The following KIFC3 variants were observed in gnomAD, a reference collection of about 807,000 sequenced individuals.
KIFC3 encodes kinesin family member C3.
A neutral mutation model predicts 101.8 loss-of-function variants in KIFC3; 60 were observed. That is an observed-to-expected ratio of 0.59 (90% CI 0.48 to 0.73). The LOEUF (loss-of-function observed/expected upper bound fraction) is 0.73, where lower values mean the gene tolerates loss of function less well. KIFC3 is among the 30% of genes least tolerant of loss of function. KIFC3 has a pLI of 0.00. For synonymous variants in KIFC3, 476 were observed against 482.7 expected (o/e 0.99, Z 0.18); for missense variants, 966 against 1,137.1 (o/e 0.85, Z 2.16).
intron 3 of KIFC3, among the ~76,000 whole-genome samples, chr16:57,774,549 G>T (rs1363194861): frequency 6.6e-6 from 1 of 151,536 alleles, no homozygotes; most frequent in African/African-American, 2.4e-5. Context: ...TTGAGACAGG[G>T]TCTCACTCTG....
At chr16:57,827,031 T>G (rs932269915) in intron 1 of KIFC3, among the ~76,000 whole-genome samples, 13 of 152,300 alleles carry the variant, frequency 8.5e-5, no homozygotes, top group African/African-American at 3.1e-4. Context: ...CACGCTCAGT[T>G]AGGCTTTAAT....
intron 1 of KIFC3, among the ~76,000 whole-genome samples, chr16:57,808,754 A>C (rs1234165785): frequency 6.6e-6 from 1 of 152,218 alleles, no homozygotes; most frequent in Non-Finnish European, 1.5e-5. Context: ...GAGGCCAGGC[A>C]GACCTGGGTT....
intron 1 of KIFC3, among the ~76,000 whole-genome samples, chr16:57,854,357 G>A (rs2056121180): frequency 6.6e-6 from 1 of 152,206 alleles, no homozygotes; most frequent in Non-Finnish European, 1.5e-5. Context: ...GCCAGGTGCG[G>A]TGGCTTTTGC....
At chr16:57,782,782 G>A (rs4372684) in intron 3 of KIFC3, among the ~76,000 whole-genome samples, 139,489 of 152,278 alleles carry the variant, frequency 0.92, 64,505 homozygotes, top group Middle Eastern at 0.97. Context: ...CGTCTCTACT[G>A]AAAAATACAA....
At chr16:57,817,849 G>A (rs1464106401) in intron 1 of KIFC3, among the ~76,000 whole-genome samples, 1 of 152,076 alleles carries the variant, frequency 6.6e-6, no homozygotes, top group South Asian at 2.1e-4. Context: ...CAGATAAGAG[G>A]CTCAGAGAGG....
intron 1 of KIFC3, among the ~76,000 whole-genome samples, chr16:57,829,607 C>CA (rs1567326842): frequency 6.6e-6 from 1 of 152,118 alleles, no homozygotes; most frequent in African/African-American, 2.4e-5. Context: ...CTCACCAAGG[C>CA]AAAAGTACCT....
chr16:57,862,690 C>G (rs1959369582), intron 1 of KIFC3: 1 of 840,484 alleles, frequency 1.2e-6, no homozygotes. Flanking sequence ...CAGGCCTCCT[C>G]CTCCCATTCC....
intron 2 of KIFC3, among the ~76,000 whole-genome samples, chr16:57,797,354 C>T (rs1364531225): frequency 3.9e-5 from 6 of 152,250 alleles, no homozygotes; most frequent in Non-Finnish European, 8.8e-5. Flanking sequence ...GACCTGCCCA[C>T]GCCTCGGGAG....
At chr16:57,819,133 G>C (rs143961309) in intron 1 of KIFC3, among the ~76,000 whole-genome samples, 1 of 151,904 alleles carries the variant, frequency 6.6e-6, no homozygotes, top group East Asian at 1.9e-4. Context: ...GCTCCAGAAC[G>C]GTCCAGTGTC....
rs906024854 is a variant in KIFC3 at position 57,797,926 on chromosome 16, G to C, written c.172+146C>G. The C allele has an allele frequency of 5.3e-6, 8 of 1,512,284 alleles. No individual in the cohort carries two copies. The African/African-American group carries it at 9.9e-5, about 19-fold the overall frequency. The allele number at this position is 1,512,284 out of a possible 1,614,324, so 93.7% of individuals were successfully genotyped here. On this transcript the variant is annotated intron_variant, in intron 2 of 19. Coordinates refer to ENST00000445690, the MANE Select transcript of KIFC3 (RefSeq NM_001130100.2). ...GGCGAGACTGACGCTCCGGCTCCACGCCCGCCTGGCTCTGGGCTGTCGGTT... is the reference window on the plus strand; with the variant it reads ...GGCGAGACTGACGCTCCGGCTCCACCCCCGCCTGGCTCTGGGCTGTCGGTT...
chr16:57,790,794 C>A, intron 3 of KIFC3: 1 of 475,828 alleles, frequency 2.1e-6, no homozygotes, highest in Non-Finnish European at 2.8e-6. Flanking sequence ...CATTTTTTTA[C>A]TTTGACAATC....
Position 57,766,796 on chromosome 16 carries a change from G to T in KIFC3, c.1330+78C>A, listed in dbSNP as rs76133157. 1,436 of 889,032 alleles carry T rather than the reference G, an allele frequency of 1.6e-3. 13 individuals are homozygous for T. The African/African-American group carries it at 0.016, about 10-fold the overall frequency. The allele number at this position is 889,032 out of a possible 1,614,324, so 55.1% of individuals were successfully genotyped here. On this transcript the variant is annotated intron_variant, in intron 10 of 19. Coordinates refer to ENST00000445690, the MANE Select transcript of KIFC3 (RefSeq NM_001130100.2). Reference sequence around the variant, plus strand: ...GATTAGAATAGTGCCTCAATGGTGGGGTGAGCTCCAAGCATGACTGCCAAG... The same window carrying T: ...GATTAGAATAGTGCCTCAATGGTGGTGTGAGCTCCAAGCATGACTGCCAAG...
chr16:57,762,936 C>T (rs1555599331), intron 12 of KIFC3, among the ~76,000 whole-genome samples: 1 of 152,230 alleles, frequency 6.6e-6, no homozygotes, highest in South Asian at 2.1e-4. Context: ...ACTCCTCTGA[C>T]CGCCCCTTGG....
At chr16:57,780,667 A>ATT (rs1191334568) in intron 3 of KIFC3, among the ~76,000 whole-genome samples, 3,559 of 69,902 alleles carry the variant, frequency 0.051, 357 homozygotes, top group African/African-American at 0.11. Flanking sequence ...CTGAAGACAA[A>ATT]TTTTTTTTTT....
At chr16:57,793,728 C>G (rs910726919) in intron 3 of KIFC3, among the ~76,000 whole-genome samples, 1 of 151,418 alleles carries the variant, frequency 6.6e-6, no homozygotes, top group African/African-American at 2.4e-5. Context: ...ACTCAGGAGG[C>G]TGAGGTAGGA....
chr16:57,811,629 C>T (rs1323817682), intron 1 of KIFC3, among the ~76,000 whole-genome samples: 2 of 151,760 alleles, frequency 1.3e-5, no homozygotes, highest in East Asian at 1.9e-4. Context: ...AGGCCTGAGG[C>T]GTGGGGCCAA....
intron 2 of KIFC3, among the ~76,000 whole-genome samples, chr16:57,795,887 T>TG (rs1555622662): frequency 6.2e-5 from 2 of 32,242 alleles, no homozygotes; most frequent in Non-Finnish European, 2.0e-4. Context: ...CTTTTTTGTT[T>TG]TTTTTTTTTT....
At chr16:57,815,596 GC>G in intron 1 of KIFC3, 1 of 1,289,978 alleles carries the variant, frequency 7.8e-7, no homozygotes, top group Non-Finnish European at 1.0e-6. Flanking sequence ...GGCTGGGGGT[GC>G]CCCCACATGG....
chr16:57,854,179 C>T (rs535498276), intron 1 of KIFC3, among the ~76,000 whole-genome samples: 3 of 151,906 alleles, frequency 2.0e-5, no homozygotes, highest in East Asian at 3.9e-4. Context: ...TGAGTTCAAG[C>T]GATTCACCTG....
Sources: allele counts gnomAD v4.1 joint callset (sites outside exome capture counted in the v4.1 genomes callset), GRCh38; gene constraint gnomAD v4.1.1; transcripts MANE v1.5; gene names NCBI Gene and HGNC (gene_info 2026-07-23, HGNC 2026-07-21).